The following INO80 variants were observed in gnomAD, a reference collection of about 807,000 sequenced individuals.
INO80 encodes the protein chromatin-remodeling ATPase INO80.
Under a neutral mutation model 203.4 loss-of-function variants are expected in INO80, and 20 were observed. The observed-to-expected ratio is 0.10, with a 90% CI of 0.07 to 0.14. The LOEUF is 0.14. INO80 is among the 10% of genes least tolerant of loss of function. The pLI is 1.00. For synonymous variants in INO80, 726 were observed against 685.2 expected (o/e 1.06, Z -0.93); for missense variants, 1,419 against 1,914.4 (o/e 0.74, Z 4.83).
chr15:41,012,298 G>A (rs2044143010), intron 27 of INO80, among the ~76,000 whole-genome samples: 1 of 152,156 alleles, frequency 6.6e-6, no homozygotes, highest in Admixed American at 6.5e-5. Context: ...CAGGCGTGGT[G>A]GCTCACGCCT....
At chr15:41,043,177 T>C (rs1321151267) in intron 24 of INO80, among the ~76,000 whole-genome samples, 2 of 152,188 alleles carry the variant, frequency 1.3e-5, no homozygotes, top group Non-Finnish European at 2.9e-5. Flanking sequence ...TGCATATCTC[T>C]AGCGTTAAGA....
intron 1 of INO80, among the ~76,000 whole-genome samples, chr15:41,115,682 TCTA>T (rs1037918145): frequency 7.2e-5 from 11 of 151,942 alleles, no homozygotes; most frequent in African/African-American, 2.4e-4. Flanking sequence ...GTGCACCTGG[TCTA>T]ACACACTCCC....
At chr15:41,069,376 T>A (rs1206911740) in intron 14 of INO80, 194 bp downstream of exon 14, 3 of 437,978 alleles carry the variant, frequency 6.8e-6, no homozygotes, top group Non-Finnish European at 1.2e-5. Context: ...TTCACCATGT[T>A]AGCCAGGATG....
At chr15:40,986,542 C>G (rs2043735964) in intron 31 of INO80, among the ~76,000 whole-genome samples, 1 of 151,968 alleles carries the variant, frequency 6.6e-6, no homozygotes, top group African/African-American at 2.4e-5. Context: ...CCAGGCTAGT[C>G]TTGGAACTCC....
intron 28 of INO80, 54 bp downstream of exon 28, chr15:41,005,539 C>A: frequency 2.3e-6 from 2 of 862,312 alleles, no homozygotes; most frequent in Non-Finnish European, 1.8e-6. Context: ...CTTACCATTT[C>A]AAGCACTAGA....
At chr15:41,081,873 G>A (rs895850653) in intron 7 of INO80, among the ~76,000 whole-genome samples, 4 of 152,048 alleles carry the variant, frequency 2.6e-5, no homozygotes, top group Admixed American at 2.0e-4. Context: ...GGGAATATAT[G>A]AGCCTTTTAT....
At chr15:41,028,892 G>A (rs984273326) in intron 24 of INO80, among the ~76,000 whole-genome samples, 5 of 152,232 alleles carry the variant, frequency 3.3e-5, no homozygotes, top group African/African-American at 1.2e-4. Flanking sequence ...CATAACTCAT[G>A]TTACAGCTTC....
rs201265660 is a variant in INO80 at position 41,096,343 on chromosome 15, C to T, written c.-33G>A. ...ATCTGTCTTCATGCACAAGGACCTCCGACTGCACGGCTGCAGAACAGAGAT... is the reference window on the plus strand; with the variant it reads ...ATCTGTCTTCATGCACAAGGACCTCTGACTGCACGGCTGCAGAACAGAGAT... On this transcript the variant is annotated 5_prime_UTR_variant, in exon 2 of 36. Transcript: ENST00000648947. 3.4e-5 allele frequency: 52 copies of T among 1,536,788 alleles called. No homozygotes were observed. Among genetic ancestry groups the T allele is most frequent in the East Asian group, 1.4e-4 (6 of 42,038 alleles).
At position 41,072,132 on chromosome 15, in the gene INO80, T is replaced by A. The variant is rs75304679; in HGVS notation, c.1396-74A>T. ...TATTACATGAAAATAAGACTCAAGA[T>A]AACAATATATCTACCCTGTGCTAAG... On this transcript the variant is annotated intron_variant, in intron 11 of 35. Coordinates refer to ENST00000648947, the MANE Select transcript of INO80 (RefSeq NM_017553.3). 1,620 of 976,140 alleles carry A rather than the reference T, an allele frequency of 1.7e-3. 20 individuals carry two copies. The African/African-American group carries it at 0.025, about 15-fold the overall frequency. 60.5% of individuals were successfully genotyped at this position (976,140 alleles called of 1,614,324 possible).
chr15:41,115,889 G>T, intron 1 of INO80, 84 bp downstream of exon 1: 1 of 376,012 alleles, frequency 2.7e-6, no homozygotes, highest in Non-Finnish European at 4.7e-6. Context: ...TTAAGACGCG[G>T]CCCAGTTGTC....
At chr15:41,030,457 A>C (rs756879058) in intron 24 of INO80, among the ~76,000 whole-genome samples, 7 of 151,390 alleles carry the variant, frequency 4.6e-5, no homozygotes, top group Non-Finnish European at 1.0e-4. Flanking sequence ...CTGCCTTCCC[A>C]GGTTCAAGCG....
intron 24 of INO80, among the ~76,000 whole-genome samples, chr15:41,032,801 C>T (rs181988586): frequency 1.2e-4 from 19 of 152,120 alleles, no homozygotes; most frequent in African/African-American, 2.6e-4. Context: ...GCACTCTGGG[C>T]GGCTGAGGAG....
intron 28 of INO80, among the ~76,000 whole-genome samples, chr15:41,003,361 C>T (rs1252340670): frequency 5.2e-4 from 58 of 110,490 alleles, no homozygotes; most frequent in Non-Finnish European, 9.2e-4. Flanking sequence ...GATGGAGTCT[C>T]GCTCTGTCAC....
chr15:41,030,280 T>C (rs1411933730), intron 24 of INO80, among the ~76,000 whole-genome samples: 4 of 152,362 alleles, frequency 2.6e-5, no homozygotes, highest in Admixed American at 2.6e-4. Context: ...ACAAAGCACA[T>C]TATTTGTTAT....
At position 41,006,055 on chromosome 15, in the gene INO80, C is replaced by T. The variant is rs1431224465; in HGVS notation, c.3403-368G>A. On this transcript the variant is annotated intron_variant, in intron 27 of 35. Coordinates refer to ENST00000648947, the MANE Select transcript of INO80 (RefSeq NM_017553.3). ...CTATGAAAATACCTACTTTTTTTGT[C>T]AGTGAATAACATTCACTGAAACGAA... is the stretch of plus-strand genomic sequence containing the variant. 4.0e-5 allele frequency among the ~76,000 whole-genome samples: 6 copies of T among 150,528 alleles called. No individual in the cohort carries two copies. In the East Asian group the frequency reaches 1.2e-3, roughly 29 times the overall value.
chr15:41,076,086 C>A (rs2045397832), intron 9 of INO80, among the ~76,000 whole-genome samples: 1 of 152,288 alleles, frequency 6.6e-6, no homozygotes, highest in African/African-American at 2.4e-5. Context: ...TTTGGCCAGG[C>A]ATGGTAGCTC....
Position 41,087,573 on chromosome 15 carries a change from T to C in INO80, c.647A>G (p.Lys216Arg). 6.2e-7 allele frequency: 1 copy of C among 1,613,794 alleles called. No individual in the cohort carries two copies. The highest frequency in any genetic ancestry group is 8.5e-7 in the Non-Finnish European group (1 of 1,179,968). ...GPKKKKFKEE[K>R]KLKAKLKKVK... ...TTCAACATGCTCACCTTTAAGTTTC[T>C]TTTCCTCCTTAAATTTCTTTTTCTT... Residue 216 changes from lysine to arginine, a missense_variant, in exon 6 of 36, where the codon AAG becomes AGG. Lys to Arg is a conservative substitution (Grantham distance 26). Around this residue, in one of 9 missense-constraint regions of INO80, gnomAD observed 323 missense variants for 325.4 expected, o/e 0.99. Coordinates refer to ENST00000648947, the MANE Select transcript of INO80 (RefSeq NM_017553.3).
At chr15:41,058,534 T>G in intron 16 of INO80, 105 bp downstream of exon 16, 3 of 1,011,876 alleles carry the variant, frequency 3.0e-6, no homozygotes, top group Non-Finnish European at 4.1e-6. Context: ...ATCTTGATTT[T>G]ATTCATATAT....
Position 41,116,029 on chromosome 15 carries a change from C to A in INO80, c.-100G>T, listed in dbSNP as rs1249241080. The A allele has an allele frequency of 2.0e-5, 8 of 392,190 alleles. No homozygotes were observed. The highest frequency in any genetic ancestry group is 3.7e-5 in the East Asian group (1 of 27,138). 24.3% of individuals were successfully genotyped at this position (392,190 alleles called of 1,614,324 possible). A position where few individuals can be genotyped will look rare whatever the true frequency, so the allele number is the denominator to read the frequency against. On this transcript the variant is annotated 5_prime_UTR_variant, in exon 1 of 36. Transcript: ENST00000648947. ...CGGCGGAGGGGGGGCGGGGTGCGGG[C>A]GGGGTCCGGAGGGGGGGGTCGCCCC... is the stretch of plus-strand genomic sequence containing the variant.
Sources: allele counts gnomAD v4.1 joint callset (sites outside exome capture counted in the v4.1 genomes callset), GRCh38; gene constraint gnomAD v4.1.1; regional missense constraint gnomAD v4.1.1; transcripts MANE v1.5; gene names NCBI Gene and HGNC (gene_info 2026-07-23, HGNC 2026-07-21).